LIMCH1: variants seen among roughly 807,000 people sequenced by gnomAD.
The protein encoded by LIMCH1 is LIM and calponin homology domains-containing protein 1.
LIMCH1 carries 113 observed loss-of-function variants against 176.5 expected under a neutral mutation model. That is an observed-to-expected ratio of 0.64 (90% CI 0.55 to 0.75). LIMCH1 has a LOEUF of 0.75. Among genes scored for constraint, LIMCH1 ranks in the 30% least tolerant of loss-of-function variants. The pLI is 0.00. For synonymous variants in LIMCH1, 619 were observed against 645.9 expected (o/e 0.96, Z 0.63); for missense variants, 1,674 against 1,814.9 (o/e 0.92, Z 1.41).
intron 2 of LIMCH1, 135 bp downstream of exon 2, chr4:41,599,161 A>G: frequency 1.7e-6 from 1 of 588,212 alleles, no homozygotes; most frequent in Admixed American, 3.0e-5. Flanking sequence ...GTAAAAATCA[A>G]CTTTCAAAAC....
Position 41,472,931 on chromosome 4 carries a change from A to G in LIMCH1, c.97-21605A>G, listed in dbSNP as rs951762216. The G allele has an allele frequency of 7.2e-6, 5 of 692,016 alleles. No homozygotes were observed. In the South Asian group the frequency reaches 2.0e-4, roughly 27 times the overall value. The allele number at this position is 692,016 out of a possible 1,614,324, so 42.9% of individuals were successfully genotyped here. On this transcript the variant is annotated intron_variant, in intron 1 of 26. Coordinates refer to the LIMCH1 transcript ENST00000313860. ...TCCACATCACATCTCTTAACATCCC[A>G]TGGAGCTAGGATTCTGCAGAAAACA...
intron 1 of LIMCH1, among the ~76,000 whole-genome samples, chr4:41,560,824 G>A (rs1204231799): frequency 6.6e-6 from 1 of 152,130 alleles, no homozygotes; most frequent in Non-Finnish European, 1.5e-5. Flanking sequence ...TTCAAGAATA[G>A]CCTGGGCAAC....
intron 2 of LIMCH1, among the ~76,000 whole-genome samples, chr4:41,502,303 G>A (rs896611123): frequency 6.6e-6 from 1 of 152,054 alleles, no homozygotes; most frequent in Non-Finnish European, 1.5e-5. Context: ...TCTTTATCCA[G>A]TCTATCACTG....
chr4:41,435,200 G>T (rs951907776), intron 1 of LIMCH1, among the ~76,000 whole-genome samples: 3 of 152,164 alleles, frequency 2.0e-5, no homozygotes, highest in Non-Finnish European at 4.4e-5. Context: ...TGGACCCTAT[G>T]TTACCACAGA....
At chr4:41,575,421 CA>C (rs2084298279) in intron 1 of LIMCH1, among the ~76,000 whole-genome samples, 1 of 152,172 alleles carries the variant, frequency 6.6e-6, no homozygotes, top group South Asian at 2.1e-4. Flanking sequence ...TGGATTCATT[CA>C]GGGGTGTATT....
In LIMCH1 at chr4:41,489,073, T is replaced by C. The variant is rs181448250; in HGVS notation, c.97-5463T>C. ...ACAAAGTTATTGGTACAAATTTATT[T>C]ATAATTTTTCTTGTTATCCTTTTAG... On this transcript the variant is annotated intron_variant, in intron 1 of 26. Coordinates refer to the LIMCH1 transcript ENST00000313860. Among the ~76,000 whole-genome samples the C allele has an allele frequency of 4.3e-4, 66 of 152,310 alleles. 1 individual carries two copies. Among genetic ancestry groups the C allele is most frequent in the Admixed American group, 1.8e-3 (27 of 15,302 alleles).
rs781025861 is a variant in LIMCH1, at chr4:41,613,624, G to A, written c.168G>A (p.Thr56=). The A allele has an allele frequency of 5.0e-6, 8 of 1,614,084 alleles. No homozygotes were observed. The highest frequency in any genetic ancestry group is 1.1e-5 in the South Asian group (1 of 91,072). The change falls in exon 5 of 32, where the codon ACG becomes ACA. Residue 56 remains threonine, a synonymous_variant. Coordinates refer to ENST00000503057, the MANE Select transcript of LIMCH1 (RefSeq NM_001330672.2). ...CCTTTGGCTCTCGCTCTCGGCAGAC[G>A]CCTTCACCAGATGTAGTCCTCAGGG... ...LDSFGSRSRQ[T]PSPDVVLRGS...
Position 41,424,316 on chromosome 4 carries a change from C to T in LIMCH1, c.96+63380C>T, listed in dbSNP as rs76622904. Among the ~76,000 whole-genome samples, 3 of 152,140 alleles carry T rather than the reference C, an allele frequency of 2.0e-5. No individual in the cohort carries two copies. The East Asian group carries it at 5.8e-4, about 29-fold the overall frequency. On this transcript the variant is annotated intron_variant, in intron 1 of 26. Coordinates refer to the LIMCH1 transcript ENST00000313860. The stretch of plus-strand genomic sequence containing the variant: ...GGAAATAAACACATTAGTACATAGC[C>T]CAGCACCAAGCATATAGTGAGTGTT...
At chr4:41,413,366 A>T (rs1032173144) in intron 1 of LIMCH1, among the ~76,000 whole-genome samples, 1 of 151,646 alleles carries the variant, frequency 6.6e-6, no homozygotes, top group Admixed American at 6.6e-5. Flanking sequence ...GTCTCATTCC[A>T]TTGCCTAGAC....
intron 26 of LIMCH1, among the ~76,000 whole-genome samples, chr4:41,682,673 T>TG (rs1390290705): frequency 4.6e-5 from 6 of 129,864 alleles, no homozygotes; most frequent in African/African-American, 1.6e-4. Context: ...TTTTTTCTTC[T>TG]TCTTCTTTTT....
chr4:41,450,073 A>G (rs937808768), intron 1 of LIMCH1, among the ~76,000 whole-genome samples: 16 of 152,152 alleles, frequency 1.1e-4, no homozygotes, highest in African/African-American at 3.1e-4. Flanking sequence ...CCATTTCCAG[A>G]TAAGGTCACA....
At chr4:41,429,073 A>G (rs1298254167) in intron 1 of LIMCH1, among the ~76,000 whole-genome samples, 2 of 152,246 alleles carry the variant, frequency 1.3e-5, no homozygotes, top group Non-Finnish European at 2.9e-5. Context: ...TAGCAGGTGC[A>G]AATCCTCCAG....
intron 1 of LIMCH1, among the ~76,000 whole-genome samples, chr4:41,579,921 T>C (rs1322063304): frequency 6.6e-6 from 1 of 152,196 alleles, no homozygotes; most frequent in Non-Finnish European, 1.5e-5. Flanking sequence ...GCAGAGGAGC[T>C]GCTTTTTAAG....
intron 1 of LIMCH1, among the ~76,000 whole-genome samples, chr4:41,371,009 G>C (rs2053877620): frequency 6.6e-6 from 1 of 152,202 alleles, no homozygotes; most frequent in Non-Finnish European, 1.5e-5. Context: ...GCTTGGACTG[G>C]TGACTGCTGT....
In LIMCH1 at chr4:41,631,212, A is replaced by G. The variant is rs1184676874; in HGVS notation, c.1336A>G (p.Ile446Val). The G allele has an allele frequency of 2.0e-6, 3 of 1,536,110 alleles. No homozygotes were observed. Among genetic ancestry groups the G allele is most frequent in the Non-Finnish European group, 1.7e-6 (2 of 1,146,898 alleles). Residue 446 changes from isoleucine (I) to valine (V), a missense_variant, in exon 10 of 32, where the codon ATT (isoleucine) becomes GTT (valine). Ile to Val is a conservative substitution (Grantham distance 29). Around this residue, in one of 3 missense-constraint regions of LIMCH1, gnomAD observed 655 missense variants for 692.2 expected, o/e 0.95. Transcript: ENST00000503057. ...CCCAGAAATTAAAGCAGAAACTGCC[A>G]TTCGTGATGACTTTGCCAACCGCAA... ...PSPEIKAETA[I>V]RDDFANRKAR...
chr4:41,692,445 C>A (rs1172227939), intron 31 of LIMCH1, 61 bp downstream of exon 31: 2 of 1,026,650 alleles, frequency 1.9e-6, no homozygotes, highest in Admixed American at 3.6e-5. Flanking sequence ...TCCATAGGAC[C>A]CAATTTAGGA....
chr4:41,363,313 G>A (rs943957153), intron 1 of LIMCH1, among the ~76,000 whole-genome samples: 11 of 152,178 alleles, frequency 7.2e-5, no homozygotes, highest in Admixed American at 1.3e-4. Context: ...GGTATCTCGA[G>A]ACAATTGCAA....
rs371322202 is a variant in LIMCH1, at chr4:41,676,332, C to G, written c.3439-50C>G. 1.2e-4 allele frequency: 179 copies of G among 1,478,892 alleles called. No homozygotes were observed. In the African/African-American group the frequency reaches 2.3e-3, roughly 19 times the overall value. The allele number at this position is 1,478,892 out of a possible 1,614,324, so 91.6% of individuals were successfully genotyped here. ...ATTGTCTACTCTTCACCCGGCCTGT[C>G]CCTTGAGGACATGGCTCAATTCTGA... is the stretch of plus-strand genomic sequence containing the variant. On this transcript the variant is annotated intron_variant, in intron 22 of 31. Transcript: ENST00000503057.
chr4:41,529,850 A>G (rs1035719251), intron 3 of LIMCH1, among the ~76,000 whole-genome samples: 3 of 152,132 alleles, frequency 2.0e-5, no homozygotes, highest in Non-Finnish European at 4.4e-5. Context: ...CTGATGAACG[A>G]TGGAAATTTG....
Sources: allele counts gnomAD v4.1 joint callset (sites outside exome capture counted in the v4.1 genomes callset), GRCh38; gene constraint gnomAD v4.1.1; regional missense constraint gnomAD v4.1.1; transcripts MANE v1.5; gene names NCBI Gene and HGNC (gene_info 2026-07-23, HGNC 2026-07-21).